Variants in SLC25A45 observed in about 807,000 individuals in gnomAD.
The protein encoded by SLC25A45 is methylated amino-acid transporter SLC25A45.
In SLC25A45, 22 loss-of-function variants were observed where a neutral mutation model predicts 23.0. The observed-to-expected ratio is 0.95, with a 90% CI of 0.68 to 1.36. SLC25A45 has a LOEUF of 1.36. SLC25A45 is among the 40% of genes most tolerant of loss of function. The pLI is 0.00. For missense variants in SLC25A45, 355 were observed against 383.5 expected (o/e 0.93, Z 0.62); for synonymous variants, 136 against 155.0 (o/e 0.88, Z 0.91).
At chr11:65,381,560 CTTTTTTTT>C (rs34891223) in intron 2 of SLC25A45, 18 of 84,690 alleles carry the variant, frequency 2.1e-4, no homozygotes, top group African/African-American at 4.0e-4. Flanking sequence ...TGCCCTGATT[CTTTTTTTT>C]TTTTTTTTTT....
chr11:65,382,267 C>T lies in SLC25A45; in HGVS notation c.-19+219G>A, dbSNP rs543182015. ...GGCAACTGGGTTCCTGCCCCATGGT[C>T]GGGCCCCTCCAGGGCTGCCTTAGTC... On this transcript the variant is annotated intron_variant, in intron 1 of 6. Coordinates refer to ENST00000398802, the MANE Select transcript of SLC25A45 (RefSeq NM_182556.4). The surrounding 1 kb of genome is among the most constrained non-coding windows in gnomAD (Gnocchi z 4.4). 1.8e-5 allele frequency: 8 copies of T among 444,460 alleles called. No homozygotes were observed. The highest frequency in any genetic ancestry group is 6.9e-5 in the Admixed American group (2 of 29,154). 27.5% of individuals were successfully genotyped at this position (444,460 alleles called of 1,614,324 possible). A position where few individuals can be genotyped will look rare whatever the true frequency, so the allele number is the denominator to read the frequency against.
rs762014511 is a variant in SLC25A45 at position 65,376,974 on chromosome 11, C to T, written c.442G>A (p.Val148Met). ...GSPPPRYQGP[V>M]HCAASIFREE... ...CGGAAGATGGAGGCTGCACAGTGCACGGGCCCCTGGTACCGGGGTGGGGGG... is the reference window on the plus strand; with the variant it reads ...CGGAAGATGGAGGCTGCACAGTGCATGGGCCCCTGGTACCGGGGTGGGGGG... Residue 148 changes from valine (V) to methionine (M), a missense_variant, in exon 6 of 7, where the codon GTG (valine) becomes ATG (methionine). Val to Met is a conservative substitution (Grantham distance 21). Transcript: ENST00000398802. 3.1e-6 allele frequency: 5 copies of T among 1,613,018 alleles called. No individual in the cohort carries two copies. The highest frequency in any genetic ancestry group is 2.2e-5 in the South Asian group (2 of 90,960).
In SLC25A45 at chr11:65,376,182, G is replaced by T; in HGVS notation, c.*225C>A. The T allele has an allele frequency of 1.7e-6, 1 of 599,240 alleles. No individual in the cohort carries two copies. Among genetic ancestry groups the T allele is most frequent in the Admixed American group, 3.0e-5 (1 of 33,618 alleles). The allele number at this position is 599,240 out of a possible 1,614,324, so 37.1% of individuals were successfully genotyped here. On this transcript the variant is annotated 3_prime_UTR_variant, in exon 7 of 7. Transcript: ENST00000398802. Reference sequence around the variant, plus strand: ...CATGCTCCCTGTTTCACAGATGTGGGAGGCAAAGGAGTCAAGGCCAGCTAC... The same window carrying T: ...CATGCTCCCTGTTTCACAGATGTGGTAGGCAAAGGAGTCAAGGCCAGCTAC...
chr11:65,380,657 C>T, intron 2 of SLC25A45: 1 of 1,251,748 alleles, frequency 8.0e-7, no homozygotes, highest in Non-Finnish European at 1.0e-6. Flanking sequence ...GCCTGGGCAC[C>T]TGCAGAGGAG....
chr11:65,376,069 CAAAAAAAAA>C lies in SLC25A45; in HGVS notation c.*329_*337del, dbSNP rs35193480. The C allele has an allele frequency of 2.8e-5, 3 of 108,710 alleles. No individual in the cohort carries two copies. The highest frequency in any genetic ancestry group is 5.3e-5 in the Non-Finnish European group (3 of 57,042). 6.7% of individuals were successfully genotyped at this position (108,710 alleles called of 1,614,324 possible). ...TGGGTGACAGAGAAAGACTCCATCT[CAAAAAAAAA>C]AAAAAAAAAAAAAAGAGGTGAAGGC... On this transcript the variant is annotated 3_prime_UTR_variant, in exon 7 of 7. Coordinates refer to ENST00000398802, the MANE Select transcript of SLC25A45 (RefSeq NM_182556.4).
At chr11:65,380,631 C>T (rs1401736968) in intron 2 of SLC25A45, 3 of 1,290,804 alleles carry the variant, frequency 2.3e-6, no homozygotes, top group Non-Finnish European at 3.0e-6. Flanking sequence ...AACTGCAGGG[C>T]CCTGATGGGG....
At position 65,380,154 on chromosome 11, in the gene SLC25A45, C is replaced by T. The variant is rs1441903844; in HGVS notation, c.59G>A (p.Gly20Glu). Reference protein sequence around the residue: ...WISGALGLVLGHPFDTVKVRL... With the variant: ...WISGALGLVLEHPFDTVKVRL... ...CACCTTTACAGTGTCAAACGGGTGT[C>T]CCAGGACCAAGCCCAGAGCGCCTGT... Residue 20 changes from glycine to glutamate, a missense_variant, in exon 3 of 7, where the codon GGA (glycine) becomes GAA (glutamate). Coordinates refer to ENST00000398802, the MANE Select transcript of SLC25A45 (RefSeq NM_182556.4). 6.2e-7 allele frequency: 1 copy of T among 1,614,182 alleles called. No individual in the cohort carries two copies. Among genetic ancestry groups the T allele is most frequent in the Admixed American group, 1.7e-5 (1 of 60,018 alleles).
In SLC25A45 at chr11:65,382,270, GC is replaced by G; in HGVS notation, c.-19+215del. ...AACTGGGTTCCTGCCCCATGGTCGG[GC>G]CCCTCCAGGGCTGCCTTAGTCAGCA... is the stretch of plus-strand genomic sequence containing the variant. On this transcript the variant is annotated intron_variant, in intron 1 of 6. Transcript: ENST00000398802. The surrounding 1 kb of genome is among the most constrained non-coding windows in gnomAD (Gnocchi z 4.4). 1 of 437,464 alleles carries G rather than the reference GC, an allele frequency of 2.3e-6. No homozygotes were observed. Among genetic ancestry groups the G allele is most frequent in the Non-Finnish European group, 4.3e-6 (1 of 234,796 alleles). The allele number at this position is 437,464 out of a possible 1,614,324, so 27.1% of individuals were successfully genotyped here.
chr11:65,377,239 A>C (rs2137775429), intron 5 of SLC25A45, 163 bp from the exon 6 acceptor site: 1 of 1,433,114 alleles, frequency 7.0e-7, no homozygotes, highest in East Asian at 2.5e-5. Flanking sequence ...TGGGATGGCC[A>C]GGATGTCTGC....
intron 2 of SLC25A45, chr11:65,381,571 T>TC (rs1171031652): frequency 6.1e-6 from 1 of 163,098 alleles, no homozygotes; most frequent in Non-Finnish European, 1.3e-5. Context: ...TTTTTTTTTT[T>TC]TTTTTTTTTT....
intron 2 of SLC25A45, 154 bp from the exon 3 acceptor site, chr11:65,380,329 C>G (rs1438277333): frequency 7.1e-6 from 8 of 1,132,426 alleles, no homozygotes; most frequent in Admixed American, 2.2e-5. Flanking sequence ...TCTAGAGACT[C>G]CAGCTGCCCC....
In SLC25A45 at chr11:65,376,901, A is replaced by G; in HGVS notation, c.515T>C (p.Leu172Pro). ...GLFRGAWALT[L>P]RDTPTVGIYF... ...GATCCCCACCGTGGGGGTGTCCCTC[A>G]GCGTCAGGGCCCAGGCTCCTCGGAA... Residue 172 changes from leucine to proline, a missense_variant, in exon 6 of 7, where the codon CTG becomes CCG. Coordinates refer to ENST00000398802, the MANE Select transcript of SLC25A45 (RefSeq NM_182556.4). 1 of 1,613,454 alleles carries G rather than the reference A, an allele frequency of 6.2e-7. No individual in the cohort carries two copies. Among genetic ancestry groups the G allele is most frequent in the East Asian group, 2.2e-5 (1 of 44,888 alleles).
At chr11:65,381,560 C>CTTTTTTTT (rs34891223) in intron 2 of SLC25A45, 33 of 84,688 alleles carry the variant, frequency 3.9e-4, no homozygotes, top group Admixed American at 4.8e-4. Context: ...TGCCCTGATT[C>CTTTTTTTT]TTTTTTTTTT....
In SLC25A45 at chr11:65,379,435, C is replaced by A; in HGVS notation, c.280G>T (p.Ala94Ser). 6.2e-7 allele frequency: 1 copy of A among 1,613,616 alleles called. No individual in the cohort carries two copies. The highest frequency in any genetic ancestry group is 1.7e-4 in the Middle Eastern group (1 of 6,060). The change falls in exon 5 of 7, where the codon GCC (alanine) becomes TCC (serine). Residue 94 changes from alanine to serine, a missense_variant. Physicochemically the swap from Ala to Ser is moderately conservative, Grantham distance 99. Coordinates refer to ENST00000398802, the MANE Select transcript of SLC25A45 (RefSeq NM_182556.4). ...ATGTGCATGTAGCTGGGCGGCTGGG[C>A]CCGCCGCTCCTGGTGGGAGGTGGCC... is the stretch of plus-strand genomic sequence containing the variant. ...LTATSHQERR[A>S]QPPSYMHIFL... is the part of the protein sequence containing the mutation.
At chr11:65,379,736 G>A in intron 4 of SLC25A45, 131 bp downstream of exon 4, 5 of 1,318,608 alleles carry the variant, frequency 3.8e-6, no homozygotes, top group Non-Finnish European at 5.3e-6. Flanking sequence ...CTACCACCCA[G>A]GCCCCCCAAG....
At chr11:65,377,335 G>T in intron 5 of SLC25A45, 1 of 1,349,088 alleles carries the variant, frequency 7.4e-7, no homozygotes, top group Non-Finnish European at 9.5e-7. Context: ...CAACTTGCCT[G>T]GCCTACAGCA....
rs183756016 is a variant in SLC25A45 at position 65,377,198 on chromosome 11, C to T, written c.340-122G>A. Reference sequence around the variant, plus strand: ...TCTTCCAGTCCCTCAGGAACCCTGCCGGCACCCAGCCTCTCACGTGCATGT... The same window carrying T: ...TCTTCCAGTCCCTCAGGAACCCTGCTGGCACCCAGCCTCTCACGTGCATGT... On this transcript the variant is annotated intron_variant, in intron 5 of 6. Transcript: ENST00000398802. The T allele has an allele frequency of 8.9e-3, 12,920 of 1,450,826 alleles. 63 individuals are homozygous for T. The highest frequency in any genetic ancestry group is 0.011 in the Non-Finnish European group (11,868 of 1,103,916). 89.9% of individuals were successfully genotyped at this position (1,450,826 alleles called of 1,614,324 possible). A position where few individuals can be genotyped will look rare whatever the true frequency, so the allele number is the denominator to read the frequency against.
rs1366303591 is a variant in SLC25A45 at position 65,375,967 on chromosome 11, C to T, written c.*440G>A. On this transcript the variant is annotated 3_prime_UTR_variant, in exon 7 of 7. Coordinates refer to ENST00000398802, the MANE Select transcript of SLC25A45 (RefSeq NM_182556.4). ...GTCCCAGCTACTTGGGAGGCTGAGG[C>T]AGGAGAGTTGCTTGAACCCGGAAGG... 5 of 170,020 alleles carry T rather than the reference C, an allele frequency of 2.9e-5. No individual in the cohort carries two copies. Among genetic ancestry groups the T allele is most frequent in the Non-Finnish European group, 6.3e-5 (5 of 79,946 alleles). 10.5% of individuals were successfully genotyped at this position (170,020 alleles called of 1,614,324 possible). A position where few individuals can be genotyped will look rare whatever the true frequency, so the allele number is the denominator to read the frequency against.
intron 2 of SLC25A45, chr11:65,380,641 G>C: frequency 7.8e-7 from 1 of 1,286,628 alleles, no homozygotes; most frequent in Non-Finnish European, 1.0e-6. Flanking sequence ...CCCTGATGGG[G>C]GTCATGCCTG....
Sources: allele counts gnomAD v4.1 joint callset, GRCh38; gene constraint gnomAD v4.1.1; non-coding constraint Gnocchi (gnomAD v3.1); transcripts MANE v1.5; gene names NCBI Gene and HGNC (gene_info 2026-07-23, HGNC 2026-07-21).